Variants in CDH18 observed in about 807,000 individuals in gnomAD.
CDH18 encodes cadherin 18.
CDH18 carries 31 observed loss-of-function variants against 67.9 expected under a neutral mutation model. The observed-to-expected ratio is 0.46, with a 90% confidence interval of 0.34 to 0.62. The LOEUF (loss-of-function observed/expected upper bound fraction) is 0.62. Ranked by LOEUF, CDH18 falls within the 20% of genes least tolerant of loss-of-function variation. The pLI, the probability that CDH18 is intolerant of heterozygous loss-of-function variation, is 0.01. For missense variants in CDH18, 890 were observed against 975.5 expected (o/e 0.91, Z 1.17); for synonymous variants, 362 against 347.2 (o/e 1.04, Z -0.48).
intron 2 of CDH18, among the ~76,000 whole-genome samples, chr5:20,074,458 A>C (rs1438991184): frequency 2.0e-5 from 3 of 152,268 alleles, no homozygotes; most frequent in Non-Finnish European, 1.5e-5. Flanking sequence ...AAAATAGCTA[A>C]ATAAAATGTC....
In CDH18 at chr5:19,657,434, T is replaced by C. The variant is rs142835014; in HGVS notation, c.644-44833A>G. ...ACCAACGACTTCAAATGTCTCAATA[T>C]AAAGCAGTATAAGGAATTCATATAT... On this transcript the variant is annotated intron_variant, in intron 5 of 12. Transcript: ENST00000382275. 5.3e-5 allele frequency among the ~76,000 whole-genome samples: 8 copies of C among 152,210 alleles called. No homozygotes were observed. The East Asian group carries it at 1.5e-3, about 29-fold the overall frequency.
At chr5:19,997,078 A>AAAAT (rs1282406075) in intron 2 of CDH18, among the ~76,000 whole-genome samples, 3 of 152,098 alleles carry the variant, frequency 2.0e-5, no homozygotes, top group Non-Finnish European at 4.4e-5. Context: ...TATATATTAA[A>AAAAT]AAATAATTAC....
intron 5 of CDH18, among the ~76,000 whole-genome samples, chr5:19,679,909 A>G (rs7731863): frequency 0.56 from 85,082 of 151,870 alleles, 26,891 homozygotes; most frequent in East Asian, 0.74. Context: ...CCAAACTACC[A>G]ATGTCATTTT....
chr5:20,241,533 T>A lies in CDH18; in HGVS notation c.-518+13911A>T, dbSNP rs560936187. ...CACAAGGATGATTATTTGTAACTCTTCAGAGATGAATATATATGTATTAAG... is the reference window on the plus strand; with the variant it reads ...CACAAGGATGATTATTTGTAACTCTACAGAGATGAATATATATGTATTAAG... On this transcript the variant is annotated intron_variant, in intron 2 of 14. Coordinates refer to the CDH18 transcript ENST00000507958. Among the ~76,000 whole-genome samples the A allele has an allele frequency of 1.2e-3, 179 of 152,028 alleles. 1 individual carries two copies. The highest frequency in any genetic ancestry group is 2.0e-3 in the Non-Finnish European group (133 of 67,992).
chr5:20,175,181 C>T (rs1047925476), intron 2 of CDH18, among the ~76,000 whole-genome samples: 1 of 151,578 alleles, frequency 6.6e-6, no homozygotes, highest in African/African-American at 2.4e-5. Context: ...GAAGTTGGAG[C>T]TAACAGAGGA....
chr5:20,308,664 A>G (rs1028700208), intron 1 of CDH18, among the ~76,000 whole-genome samples: 1 of 152,212 alleles, frequency 6.6e-6, no homozygotes, highest in Non-Finnish European at 1.5e-5. Context: ...TAAGTTATTA[A>G]GGTAAACAAG....
intron 1 of CDH18, among the ~76,000 whole-genome samples, chr5:20,474,434 C>T (rs757309020): frequency 6.6e-6 from 1 of 152,150 alleles, no homozygotes; most frequent in African/African-American, 2.4e-5. Context: ...CTTCTCCTCA[C>T]CTGGCCGAAA....
intron 2 of CDH18, among the ~76,000 whole-genome samples, chr5:20,071,649 T>C (rs1743491010): frequency 6.6e-6 from 1 of 152,142 alleles, no homozygotes; most frequent in African/African-American, 2.4e-5. Flanking sequence ...GAGCTATTGA[T>C]AGTTATTAAA....
chr5:20,152,214 G>C (rs1356250480), intron 2 of CDH18, among the ~76,000 whole-genome samples: 1 of 140,446 alleles, frequency 7.1e-6, no homozygotes, highest in Non-Finnish European at 1.5e-5. Flanking sequence ...ATATAATATA[G>C]ATATAATTAT....
At chr5:19,531,530 T>A (rs967260194) in intron 9 of CDH18, among the ~76,000 whole-genome samples, 8 of 152,166 alleles carry the variant, frequency 5.3e-5, no homozygotes, top group Non-Finnish European at 7.3e-5. Context: ...TTGGCATGTT[T>A]CCATAAACTC....
intron 2 of CDH18, among the ~76,000 whole-genome samples, chr5:19,914,508 T>C (rs1329402694): frequency 2.0e-5 from 3 of 152,160 alleles, no homozygotes; most frequent in Non-Finnish European, 2.9e-5. Flanking sequence ...CACTTCTAAA[T>C]TGTATACATA....
At chr5:20,282,390 C>G (rs1350267911) in intron 1 of CDH18, among the ~76,000 whole-genome samples, 1 of 152,042 alleles carries the variant, frequency 6.6e-6, no homozygotes, top group African/African-American at 2.4e-5. Context: ...TACGTAACAT[C>G]AATACCTAAT....
intron 1 of CDH18, among the ~76,000 whole-genome samples, chr5:20,288,816 T>C (rs907827085): frequency 2.0e-5 from 3 of 151,960 alleles, no homozygotes; most frequent in African/African-American, 4.8e-5. Flanking sequence ...GTACAGATTG[T>C]ATTTCAGCAG....
intron 2 of CDH18, among the ~76,000 whole-genome samples, chr5:20,077,831 A>C (rs1436320209): frequency 6.6e-6 from 1 of 152,192 alleles, no homozygotes; most frequent in Non-Finnish European, 1.5e-5. Context: ...ATGCTTGGAA[A>C]TTTTGTATAA....
At chr5:20,202,069 G>A (rs1331121920) in intron 2 of CDH18, among the ~76,000 whole-genome samples, 1 of 152,090 alleles carries the variant, frequency 6.6e-6, no homozygotes, top group African/African-American at 2.4e-5. Context: ...AAAAATCAGG[G>A]ACAGAAAGTA....
chr5:19,844,026 C>T (rs1782642339), intron 2 of CDH18, among the ~76,000 whole-genome samples: 1 of 152,166 alleles, frequency 6.6e-6, no homozygotes, highest in Non-Finnish European at 1.5e-5. Context: ...AAAGAACTAA[C>T]TTGCTTTTGA....
intron 2 of CDH18, among the ~76,000 whole-genome samples, chr5:19,913,083 A>G (rs936158822): frequency 6.6e-6 from 1 of 152,180 alleles, no homozygotes; most frequent in Non-Finnish European, 1.5e-5. Context: ...GAAAAATGAT[A>G]GAAAAGAGGT....
chr5:19,524,578 A>T (rs1338369564), intron 9 of CDH18, among the ~76,000 whole-genome samples: 1 of 152,062 alleles, frequency 6.6e-6, no homozygotes, highest in Non-Finnish European at 1.5e-5. Context: ...TTACCACTAC[A>T]TACATATATA....
At chr5:19,953,687 G>A (rs1196226982) in intron 2 of CDH18, among the ~76,000 whole-genome samples, 1 of 151,968 alleles carries the variant, frequency 6.6e-6, no homozygotes, top group East Asian at 1.9e-4. Context: ...GTTTCCTGAA[G>A]TAGATTTAAT....
Sources: allele counts gnomAD v4.1 joint callset (sites outside exome capture counted in the v4.1 genomes callset), GRCh38; gene constraint gnomAD v4.1.1; transcripts MANE v1.5; gene names NCBI Gene and HGNC (gene_info 2026-07-23, HGNC 2026-07-21).